The following SH3PXD2B variants were observed in gnomAD, a reference collection of about 807,000 sequenced individuals.
SH3PXD2B encodes SH3 and PX domains 2B.
A neutral mutation model predicts 73.1 loss-of-function variants in SH3PXD2B; 37 were observed. That is an observed-to-expected ratio of 0.51 (90% CI 0.39 to 0.67). The LOEUF is 0.67. Ranked by LOEUF, SH3PXD2B falls within the 30% of genes least tolerant of loss-of-function variation. The pLI is 0.00. For missense variants in SH3PXD2B, 1,053 were observed against 1,197.8 expected (o/e 0.88, Z 1.78); for synonymous variants, 457 against 480.5 (o/e 0.95, Z 0.64).
chr5:172,359,419 G>C (rs918780730), intron 7 of SH3PXD2B, among the ~76,000 whole-genome samples: 1 of 128,010 alleles, frequency 7.8e-6, no homozygotes, highest in Non-Finnish European at 1.6e-5. Flanking sequence ...TATAAAGAAC[G>C]TTCACCTTCA....
chr5:172,387,928 A>T (rs1314450550), intron 4 of SH3PXD2B, among the ~76,000 whole-genome samples: 1 of 152,046 alleles, frequency 6.6e-6, no homozygotes, highest in Non-Finnish European at 1.5e-5. Context: ...TGCCTCTTAC[A>T]TTTATGTCTT....
At chr5:172,370,962 A>G (rs1757690470) in intron 6 of SH3PXD2B, among the ~76,000 whole-genome samples, 2 of 152,202 alleles carry the variant, frequency 1.3e-5, no homozygotes, top group African/African-American at 4.8e-5. Context: ...AAATCAAAGG[A>G]TTCCTAGGCA....
intron 1 of SH3PXD2B, among the ~76,000 whole-genome samples, chr5:172,451,480 T>TA (rs1196235711): frequency 2.0e-5 from 3 of 152,118 alleles, no homozygotes; most frequent in Non-Finnish European, 4.4e-5. Context: ...GGGAAGCTGC[T>TA]AAACATCCTG....
chr5:172,427,814 A>G (rs963897601), intron 1 of SH3PXD2B, among the ~76,000 whole-genome samples: 6 of 145,902 alleles, frequency 4.1e-5, no homozygotes, highest in South Asian at 4.3e-4. Flanking sequence ...GTCTTGCCCT[A>G]TCACCCAGGC....
intron 3 of SH3PXD2B, among the ~76,000 whole-genome samples, chr5:172,397,194 G>A (rs1253766232): frequency 6.6e-6 from 1 of 152,086 alleles, no homozygotes; most frequent in Admixed American, 6.6e-5. Context: ...TGCAGATAAG[G>A]GATGAAATAA....
intron 1 of SH3PXD2B, among the ~76,000 whole-genome samples, chr5:172,450,432 G>A (rs112077441): frequency 0.037 from 5,647 of 152,120 alleles, 366 homozygotes; most frequent in African/African-American, 0.13. Flanking sequence ...TGAAGACTTG[G>A]AAGGTATATA....
chr5:172,385,979 A>T (rs1758052296), intron 4 of SH3PXD2B, among the ~76,000 whole-genome samples: 2 of 152,248 alleles, frequency 1.3e-5, no homozygotes, highest in South Asian at 4.1e-4. Context: ...CCACAGCTCC[A>T]GCAAACTCAG....
At chr5:172,389,836 T>C (rs1487082852) in intron 4 of SH3PXD2B, among the ~76,000 whole-genome samples, 1 of 152,176 alleles carries the variant, frequency 6.6e-6, no homozygotes, top group Non-Finnish European at 1.5e-5. Flanking sequence ...TTCTTTGATA[T>C]CTCCTGCCAA....
At chr5:172,422,162 T>C (rs189562187) in intron 2 of SH3PXD2B, among the ~76,000 whole-genome samples, 7 of 152,220 alleles carry the variant, frequency 4.6e-5, no homozygotes, top group Non-Finnish European at 1.0e-4. Context: ...ACCTGGCTAA[T>C]GTTTGTATTT....
chr5:172,348,659 CTATCTATCTAT>C (rs1757064559), intron 10 of SH3PXD2B, among the ~76,000 whole-genome samples: 14 of 107,784 alleles, frequency 1.3e-4, no homozygotes, highest in African/African-American at 3.9e-4. Flanking sequence ...TCTATCCTAT[CTATCTATCTAT>C]CTATCTATCT....
chr5:172,348,671 C>CTATCTATCTTATCTTATCT lies in SH3PXD2B; in HGVS notation c.1013-1340_1013-1339insAGATAAGATAAGATAGATA. On this transcript the variant is annotated intron_variant, in intron 10 of 12. Transcript: ENST00000311601. ...CTATCTATCCTATCTATCTATCTATCTATCTATCTATCTATCTATCTATCT... is the reference window on the plus strand; with the variant it reads ...CTATCTATCCTATCTATCTATCTATCTATCTATCTTATCTTATCTTATCTATCTATCTATCTATCTATCT... 5.4e-5 allele frequency among the ~76,000 whole-genome samples: 3 copies of CTATCTATCTTATCTTATCT among 55,626 alleles called. No individual in the cohort carries two copies. In the South Asian group the frequency reaches 3.4e-3, roughly 64 times the overall value. 36.5% of individuals were successfully genotyped at this position (55,626 alleles called of 152,430 possible).
At chr5:172,420,434 C>T (rs1308126772) in intron 2 of SH3PXD2B, among the ~76,000 whole-genome samples, 1 of 151,970 alleles carries the variant, frequency 6.6e-6, no homozygotes, top group Non-Finnish European at 1.5e-5. Flanking sequence ...CCTCCCCCTA[C>T]AAAATAATGA....
chr5:172,382,308 T>G (rs1214874072), intron 4 of SH3PXD2B, among the ~76,000 whole-genome samples, 181 bp from the exon 5 acceptor site: 1 of 152,190 alleles, frequency 6.6e-6, no homozygotes, highest in Non-Finnish European at 1.5e-5. Flanking sequence ...AGAGCGAGAC[T>G]GTCTCAAACA....
chr5:172,454,428 G>T lies in SH3PXD2B; in HGVS notation c.-76C>A. 1 of 932,930 alleles carries T rather than the reference G, an allele frequency of 1.1e-6. No individual in the cohort carries two copies. Among genetic ancestry groups the T allele is most frequent in the Non-Finnish European group, 1.4e-6 (1 of 740,714 alleles). 57.8% of individuals were successfully genotyped at this position (932,930 alleles called of 1,614,324 possible). On this transcript the variant is annotated 5_prime_UTR_variant, in exon 1 of 13. Transcript: ENST00000311601. ...GTGCAGGGAGCGCTGGGGGCGCGCC[G>T]CCGCGGGCAGGGAACCTGGAGCTGA...
chr5:172,442,879 C>T (rs1332766626), intron 1 of SH3PXD2B, among the ~76,000 whole-genome samples: 1 of 152,168 alleles, frequency 6.6e-6, no homozygotes, highest in Non-Finnish European at 1.5e-5. Flanking sequence ...GACTCAAGAT[C>T]ACACATGGCA....
chr5:172,357,076 G>A (rs1757294320), intron 8 of SH3PXD2B, among the ~76,000 whole-genome samples: 1 of 131,806 alleles, frequency 7.6e-6, no homozygotes, highest in Non-Finnish European at 1.5e-5. Flanking sequence ...CCGTGTTCAT[G>A]CCACTGCACT....
At chr5:172,407,993 C>A (rs889874969) in intron 2 of SH3PXD2B, among the ~76,000 whole-genome samples, 50 of 152,180 alleles carry the variant, frequency 3.3e-4, no homozygotes, top group African/African-American at 1.2e-3. Context: ...ATTAAAAAGG[C>A]CAGGGCTGCT....
chr5:172,390,010 G>A (rs886880303), intron 4 of SH3PXD2B, among the ~76,000 whole-genome samples: 5 of 152,120 alleles, frequency 3.3e-5, no homozygotes, highest in Non-Finnish European at 5.9e-5. Flanking sequence ...GAGCCACTGC[G>A]CCTGGACTAA....
chr5:172,406,235 G>C, intron 3 of SH3PXD2B, 42 bp downstream of exon 3: 1 of 1,601,162 alleles, frequency 6.2e-7, no homozygotes, highest in East Asian at 2.2e-5. Flanking sequence ...AACTGTAACA[G>C]AGCCCCCAGT....
Sources: allele counts gnomAD v4.1 joint callset (sites outside exome capture counted in the v4.1 genomes callset), GRCh38; gene constraint gnomAD v4.1.1; transcripts MANE v1.5; gene names NCBI Gene and HGNC (gene_info 2026-07-23, HGNC 2026-07-21).